TMPRSS12: variants seen among roughly 807,000 people sequenced by gnomAD.
TMPRSS12 encodes transmembrane serine protease 12.
Under a neutral mutation model 26.0 loss-of-function variants are expected in TMPRSS12, and 25 were observed. That is an observed-to-expected ratio of 0.96 (90% CI 0.70 to 1.34). TMPRSS12 has a LOEUF of 1.34. Ranked by LOEUF, TMPRSS12 falls within the 40% of genes most tolerant of loss-of-function variation. The pLI is 0.00. For missense variants in TMPRSS12, 441 were observed against 440.1 expected, an observed-to-expected ratio of 1.00 and a Z score of -0.02; for synonymous variants, 150 against 161.7, an observed-to-expected ratio of 0.93 and a Z score of 0.55.
rs772671586 is a variant in TMPRSS12, at chr12:50,843,943, A to G, written c.289A>G (p.Ile97Val). 1.9e-6 allele frequency: 3 copies of G among 1,600,698 alleles called. No individual in the cohort carries two copies. In the East Asian group the frequency reaches 6.7e-5, roughly 36 times the overall value. The change falls in exon 2 of 5, where the codon ATT becomes GTT. Residue 97 changes from isoleucine (I) to valine (V), a missense_variant. Ile to Val is a conservative substitution (Grantham distance 29). Coordinates refer to ENST00000398458, the MANE Select transcript of TMPRSS12 (RefSeq NM_182559.3). The part of the protein sequence containing the change: ...GAWPWVVSLQ[I>V]KYGRVLVHVC... ...ATGGCCGTGGGTGGTGAGCCTGCAG[A>G]TTAAATATGGCCGTGTTCTTGTTCA...
intron 3 of TMPRSS12, among the ~76,000 whole-genome samples, chr12:50,869,143 C>T (rs534258166): frequency 1.2e-4 from 18 of 148,742 alleles, no homozygotes; most frequent in Middle Eastern, 3.5e-3. Context: ...AAGGAAACAA[C>T]GAAGATCAGA....
chr12:50,885,986 T>C (rs1210954439), intron 4 of TMPRSS12: 5 of 153,800 alleles, frequency 3.3e-5, no homozygotes, highest in African/African-American at 1.2e-4. Flanking sequence ...TCTTTTTTAT[T>C]ATAACCATCC....
rs906422493 is a variant in TMPRSS12, at chr12:50,843,845, G to C, written c.191G>C (p.Cys64Ser). The stretch of plus-strand genomic sequence containing the variant: ...AATATATCATTTTTATTTTTAGATT[G>C]TGGAACAGCACCGCTTAAGGATGTG... ...RREGGAHAEDCGTAPLKDVLQ... is the reference protein window; with the variant it reads ...RREGGAHAEDSGTAPLKDVLQ... Residue 64 changes from cysteine (C) to serine (S), a missense_variant, in exon 2 of 5, where the codon TGT (cysteine) becomes TCT (serine). Coordinates refer to ENST00000398458, the MANE Select transcript of TMPRSS12 (RefSeq NM_182559.3). The C allele has an allele frequency of 6.4e-7, 1 of 1,551,286 alleles. No individual in the cohort carries two copies. Among genetic ancestry groups the C allele is most frequent in the African/African-American group, 1.4e-5 (1 of 72,988 alleles).
At chr12:50,876,439 T>C (rs1469549918) in intron 3 of TMPRSS12, among the ~76,000 whole-genome samples, 1 of 152,178 alleles carries the variant, frequency 6.6e-6, no homozygotes, top group Non-Finnish European at 1.5e-5. Context: ...AAAAGACGCA[T>C]GCACTCCTAT....
rs186181595 is a variant in TMPRSS12 at position 50,884,323 on chromosome 12, T to C, written c.653-923T>C. The stretch of plus-strand genomic sequence containing the variant: ...AACTTACAAAGGAAATAACAAAATA[T>C]TCATTAGTCACAGATGATGTAACTA... On this transcript the variant is annotated intron_variant, in intron 3 of 4. Coordinates refer to ENST00000398458, the MANE Select transcript of TMPRSS12 (RefSeq NM_182559.3). 3.1e-3 allele frequency among the ~76,000 whole-genome samples: 478 copies of C among 152,248 alleles called. 6 individuals are homozygous for C. The highest frequency in any genetic ancestry group is 4.4e-3 in the Non-Finnish European group (297 of 68,026).
chr12:50,868,400 G>C (rs1259609542), intron 3 of TMPRSS12, among the ~76,000 whole-genome samples: 1 of 152,148 alleles, frequency 6.6e-6, no homozygotes, highest in East Asian at 1.9e-4. Context: ...AAAAGACAAA[G>C]AGGGACATTA....
At chr12:50,868,281 TTAAAG>T (rs1379332076) in intron 3 of TMPRSS12, among the ~76,000 whole-genome samples, 4 of 151,950 alleles carry the variant, frequency 2.6e-5, no homozygotes, top group Admixed American at 1.3e-4. Flanking sequence ...TTGCATAAAC[TTAAAG>T]TAAAGGAGTG....
At position 50,843,054 on chromosome 12, in the gene TMPRSS12, G is replaced by A; in HGVS notation, c.90G>A (p.Arg30=). 6.2e-7 allele frequency: 1 copy of A among 1,600,398 alleles called. No homozygotes were observed. Among genetic ancestry groups the A allele is most frequent in the Non-Finnish European group, 8.5e-7 (1 of 1,173,918 alleles). The change falls in exon 1 of 5, where the codon AGG becomes AGA. Residue 30 remains arginine (R), a synonymous_variant. Coordinates refer to ENST00000398458, the MANE Select transcript of TMPRSS12 (RefSeq NM_182559.3). ...ACTACTCGCCCTCTGGAAGGCACAG[G>A]CTCGGCCCCTCGCCGGAACCGGCGG... ...SDHYSPSGRH[R]LGPSPEPAAS...
intron 3 of TMPRSS12, among the ~76,000 whole-genome samples, chr12:50,861,950 C>T (rs540984110): frequency 2.0e-5 from 3 of 152,142 alleles, no homozygotes; most frequent in South Asian, 2.1e-4. Context: ...GCTGGGACTA[C>T]GGGCACGTGC....
chr12:50,872,819 A>ATATATGTACATATATATGACGTC (rs1565935995), intron 3 of TMPRSS12, among the ~76,000 whole-genome samples: 3 of 87,086 alleles, frequency 3.4e-5, no homozygotes, highest in East Asian at 4.6e-4. Flanking sequence ...TATATGACGT[A>ATATATGTACATATATATGACGTC]TATATGTACA....
intron 3 of TMPRSS12, among the ~76,000 whole-genome samples, chr12:50,878,100 C>T (rs1028906298): frequency 2.6e-5 from 4 of 151,580 alleles, no homozygotes; most frequent in Admixed American, 6.6e-5. Context: ...ACAGATTGGC[C>T]TATCAAAATG....
chr12:50,887,438 C>T lies in TMPRSS12; in HGVS notation c.972C>T (p.Gly324=), dbSNP rs1328977102. The T allele has an allele frequency of 6.2e-7, 1 of 1,613,780 alleles. No individual in the cohort carries two copies. Among genetic ancestry groups the T allele is most frequent in the Admixed American group, 1.7e-5 (1 of 59,980 alleles). Residue 324 remains glycine (G), a synonymous_variant, in exon 5 of 5, where the codon GGC becomes GGT. Coordinates refer to ENST00000398458, the MANE Select transcript of TMPRSS12 (RefSeq NM_182559.3). The stretch of plus-strand genomic sequence containing the variant: ...ATTTCTTCCATGCAAGCACTCAAGG[C>T]ATACTTACTATAAATATTTTACGTG... The part of the protein sequence containing the change: ...TEHFFHASTQ[G]ILTINILRGQ...
At chr12:50,878,460 C>G (rs1044015340) in intron 3 of TMPRSS12, among the ~76,000 whole-genome samples, 2 of 152,050 alleles carry the variant, frequency 1.3e-5, no homozygotes, top group African/African-American at 2.4e-5. Context: ...CAGCTATAGT[C>G]CCAGCTACTT....
chr12:50,849,995 C>CA (rs1233424782), intron 2 of TMPRSS12, among the ~76,000 whole-genome samples: 3 of 151,850 alleles, frequency 2.0e-5, no homozygotes, highest in Non-Finnish European at 4.4e-5. Flanking sequence ...TAAATGGAAT[C>CA]ATATGGTATG....
At chr12:50,863,662 C>A (rs1592220394) in intron 3 of TMPRSS12, among the ~76,000 whole-genome samples, 1 of 152,196 alleles carries the variant, frequency 6.6e-6, no homozygotes, top group East Asian at 1.9e-4. Flanking sequence ...TGAAAAGAAG[C>A]CAATTTTAAA....
At chr12:50,844,246 G>A (rs1034941205) in intron 2 of TMPRSS12, among the ~76,000 whole-genome samples, 1 of 152,050 alleles carries the variant, frequency 6.6e-6, no homozygotes, top group African/African-American at 2.4e-5. Context: ...TGCAGAACGT[G>A]CAGGTTTGTT....
chr12:50,872,794 G>GTATATATGTACATATATACGTC (rs1938071827), intron 3 of TMPRSS12, among the ~76,000 whole-genome samples: 1 of 12,796 alleles, frequency 7.8e-5, no homozygotes, highest in Non-Finnish European at 1.5e-4. Flanking sequence ...TATATATGAC[G>GTATATATGTACATATATACGTC]TATATATGTA....
intron 2 of TMPRSS12, among the ~76,000 whole-genome samples, chr12:50,852,897 C>T (rs191119248): frequency 2.6e-5 from 4 of 152,270 alleles, no homozygotes; most frequent in Admixed American, 6.5e-5. Flanking sequence ...TTTAACACCC[C>T]ACTGACAGTA....
intron 3 of TMPRSS12, among the ~76,000 whole-genome samples, chr12:50,875,191 C>A (rs1938101230): frequency 6.6e-6 from 1 of 152,046 alleles, no homozygotes; most frequent in Non-Finnish European, 1.5e-5. Flanking sequence ...TCAAACTATA[C>A]TATAAGATTA....
Sources: allele counts gnomAD v4.1 joint callset (sites outside exome capture counted in the v4.1 genomes callset), GRCh38; gene constraint gnomAD v4.1.1; transcripts MANE v1.5; gene names NCBI Gene and HGNC (gene_info 2026-07-23, HGNC 2026-07-21).